GALNTL6: variants seen among roughly 807,000 people sequenced by gnomAD.
GALNTL6 encodes the protein polypeptide N-acetylgalactosaminyltransferase like 6.
GALNTL6 carries 46 observed loss-of-function variants against 73.7 expected under a neutral mutation model. The observed-to-expected ratio is 0.62, with a 90% CI of 0.49 to 0.80. GALNTL6 has a LOEUF of 0.80. Ranked by LOEUF, GALNTL6 falls within the 30% of genes least tolerant of loss-of-function variation. The pLI is 0.00. For synonymous variants in GALNTL6, 259 were observed against 263.7 expected (o/e 0.98, Z 0.17); for missense variants, 604 against 755.0 (o/e 0.80, Z 2.34).
intron 3 of GALNTL6, among the ~76,000 whole-genome samples, chr4:172,294,817 G>A (rs868019191): frequency 2.0e-5 from 3 of 152,028 alleles, no homozygotes; most frequent in Non-Finnish European, 2.9e-5. Context: ...TATTTTTCAT[G>A]ATAATTTGGT....
chr4:172,238,224 A>G (rs1737305641), intron 3 of GALNTL6, among the ~76,000 whole-genome samples: 1 of 152,184 alleles, frequency 6.6e-6, no homozygotes, highest in Non-Finnish European at 1.5e-5. Context: ...CTTTCTGCCT[A>G]TTCATGAGCA....
rs147679649 is a variant in GALNTL6 at position 172,463,488 on chromosome 4, G to A, written c.553+114799G>A. ...TTAGAATACAAGCAAGAAATTGACC[G>A]TGCTTTGTAAATGCGTGTTTCTATT... is the stretch of plus-strand genomic sequence containing the variant. On this transcript the variant is annotated intron_variant, in intron 5 of 12. Coordinates refer to ENST00000506823, the MANE Select transcript of GALNTL6 (RefSeq NM_001034845.3). Among the ~76,000 whole-genome samples the A allele has an allele frequency of 9.5e-4, 145 of 152,288 alleles. 2 individuals carry two copies. The East Asian group carries it at 0.026, about 28-fold the overall frequency.
At chr4:172,173,413 A>G (rs902563709) in intron 2 of GALNTL6, among the ~76,000 whole-genome samples, 2 of 152,194 alleles carry the variant, frequency 1.3e-5, no homozygotes, top group Non-Finnish European at 2.9e-5. Context: ...TCCTCTGGGA[A>G]AATGCAGCCC....
intron 2 of GALNTL6, among the ~76,000 whole-genome samples, chr4:172,185,443 A>G (rs1368677680): frequency 6.6e-6 from 1 of 152,202 alleles, no homozygotes; most frequent in Non-Finnish European, 1.5e-5. Context: ...TGCAACACAT[A>G]CATCACAGGT....
chr4:172,346,456 C>T (rs775379598), intron 4 of GALNTL6, among the ~76,000 whole-genome samples: 1 of 152,310 alleles, frequency 6.6e-6, no homozygotes, highest in Non-Finnish European at 1.5e-5. Flanking sequence ...GTTACCAAGT[C>T]GTGTGAATTC....
chr4:172,528,378 G>C (rs1162162274), intron 5 of GALNTL6, among the ~76,000 whole-genome samples: 1 of 114,288 alleles, frequency 8.7e-6, no homozygotes, highest in African/African-American at 3.7e-5. Flanking sequence ...TTATTTTTTA[G>C]ATAGAGCCTT....
chr4:172,237,888 G>A (rs1737293653), intron 3 of GALNTL6, among the ~76,000 whole-genome samples: 1 of 152,080 alleles, frequency 6.6e-6, no homozygotes, highest in Non-Finnish European at 1.5e-5. Flanking sequence ...TCAAAGATCA[G>A]GTGGTTTCAG....
chr4:173,008,448 T>C (rs1010134178), intron 10 of GALNTL6, among the ~76,000 whole-genome samples: 11 of 152,234 alleles, frequency 7.2e-5, no homozygotes, highest in South Asian at 2.1e-4. Context: ...CCATGTTCTT[T>C]AGCATGTCGA....
chr4:172,136,863 G>A (rs957078242), intron 2 of GALNTL6, among the ~76,000 whole-genome samples: 5 of 151,888 alleles, frequency 3.3e-5, no homozygotes, highest in Non-Finnish European at 5.9e-5. Context: ...GTCAAGCTAC[G>A]ATTTTTATTA....
intron 7 of GALNTL6, among the ~76,000 whole-genome samples, chr4:172,874,519 G>T (rs1460824404): frequency 6.6e-6 from 1 of 152,172 alleles, no homozygotes; most frequent in African/African-American, 2.4e-5. Context: ...TCCTGATAGT[G>T]TTATAAGATC....
chr4:171,995,798 T>G (rs747906704), intron 2 of GALNTL6, among the ~76,000 whole-genome samples: 8 of 152,100 alleles, frequency 5.3e-5, no homozygotes, highest in Non-Finnish European at 7.4e-5. Flanking sequence ...TTAAAGTATA[T>G]TCCAAAATAT....
intron 11 of GALNTL6, among the ~76,000 whole-genome samples, chr4:173,017,280 ACT>A (rs1561089002): frequency 6.6e-6 from 1 of 152,202 alleles, no homozygotes; most frequent in Non-Finnish European, 1.5e-5. Flanking sequence ...TTACTTTAAC[ACT>A]GAGGAATTTA....
chr4:172,887,951 G>A (rs924986741), intron 8 of GALNTL6, among the ~76,000 whole-genome samples: 5 of 152,150 alleles, frequency 3.3e-5, no homozygotes, highest in Admixed American at 2.6e-4. Context: ...CTTACAATTG[G>A]TGATGTTGAG....
chr4:172,297,817 A>T (rs1391486349), intron 3 of GALNTL6, among the ~76,000 whole-genome samples: 1 of 151,986 alleles, frequency 6.6e-6, no homozygotes, highest in Non-Finnish European at 1.5e-5. Flanking sequence ...TTGGCTTAGG[A>T]TTGACTTGGC....
intron 5 of GALNTL6, among the ~76,000 whole-genome samples, chr4:172,615,985 G>A (rs530060696): frequency 2.3e-4 from 35 of 152,180 alleles, no homozygotes; most frequent in African/African-American, 7.7e-4. Context: ...GTGATAATGC[G>A]AAAAGAGTTA....
intron 7 of GALNTL6, among the ~76,000 whole-genome samples, chr4:172,851,829 C>A (rs1427280554): frequency 1.3e-5 from 2 of 152,034 alleles, no homozygotes; most frequent in African/African-American, 2.4e-5. Context: ...TGGGTCACAG[C>A]AACATGAGTT....
chr4:172,630,048 G>C (rs1220274338), intron 5 of GALNTL6, among the ~76,000 whole-genome samples: 1 of 152,032 alleles, frequency 6.6e-6, no homozygotes, highest in Non-Finnish European at 1.5e-5. Context: ...TATGATGCTG[G>C]GAAATCCTCC....
At chr4:172,847,105 C>T (rs1743553033) in intron 7 of GALNTL6, among the ~76,000 whole-genome samples, 1 of 152,128 alleles carries the variant, frequency 6.6e-6, no homozygotes, top group Admixed American at 6.6e-5. Flanking sequence ...AAAGCGATTA[C>T]ATTTTCTTTT....
intron 2 of GALNTL6, among the ~76,000 whole-genome samples, chr4:172,054,998 C>G (rs1220934428): frequency 6.6e-6 from 1 of 152,098 alleles, no homozygotes; most frequent in Non-Finnish European, 1.5e-5. Context: ...ACAGCCAAAC[C>G]TTAGTATTCA....
Sources: allele counts gnomAD v4.1 joint callset (sites outside exome capture counted in the v4.1 genomes callset), GRCh38; gene constraint gnomAD v4.1.1; transcripts MANE v1.5; gene names NCBI Gene and HGNC (gene_info 2026-07-23, HGNC 2026-07-21).